Variants in SNTG2 observed in about 807,000 individuals in gnomAD.
SNTG2 encodes the protein syntrophin gamma 2, also known as gamma-2-syntrophin.
Under a neutral mutation model 70.9 loss-of-function variants are expected in SNTG2, and 74 were observed. That is an observed-to-expected ratio of 1.04 (90% CI 0.86 to 1.27). SNTG2 has a LOEUF of 1.27. Among genes scored for constraint, SNTG2 ranks in the 50% most tolerant of loss-of-function variants. The pLI is 0.00. For missense variants in SNTG2, 717 were observed against 690.7 expected, an observed-to-expected ratio of 1.04 and a Z score of -0.43; for synonymous variants, 278 against 273.8, an observed-to-expected ratio of 1.02 and a Z score of -0.15.
chr2:1,190,772 A>G (rs1359778488), intron 8 of SNTG2, among the ~76,000 whole-genome samples: 1 of 152,052 alleles, frequency 6.6e-6, no homozygotes, highest in Admixed American at 6.6e-5. Context: ...AAAAGCAAAT[A>G]TCTTTAGAAG....
At chr2:1,168,825 A>C (rs150085901) in intron 7 of SNTG2, among the ~76,000 whole-genome samples, 74 of 152,308 alleles carry the variant, frequency 4.9e-4, no homozygotes, top group African/African-American at 1.8e-3. Context: ...GAGGAAAAAG[A>C]GTAAGGGGTG....
intron 7 of SNTG2, among the ~76,000 whole-genome samples, chr2:1,167,854 C>T (rs1244661970): frequency 4.1e-5 from 5 of 122,540 alleles, no homozygotes; most frequent in African/African-American, 1.4e-4. Flanking sequence ...CTGAAGCCTA[C>T]AGGCCGCCCA....
At chr2:1,078,474 T>A (rs1308156736) in intron 1 of SNTG2, among the ~76,000 whole-genome samples, 1 of 151,572 alleles carries the variant, frequency 6.6e-6, no homozygotes, top group Non-Finnish European at 1.5e-5. Context: ...CAGGCAGGTA[T>A]GGCAGGATTG....
intron 4 of SNTG2, among the ~76,000 whole-genome samples, chr2:1,111,605 G>A (rs567473698): frequency 6.6e-5 from 10 of 152,228 alleles, no homozygotes; most frequent in Non-Finnish European, 1.3e-4. Context: ...CCTGTAAGAT[G>A]AAAAATACTT....
intron 10 of SNTG2, among the ~76,000 whole-genome samples, chr2:1,238,813 C>G (rs529736845): frequency 6.6e-6 from 1 of 152,342 alleles, no homozygotes; most frequent in African/African-American, 2.4e-5. Context: ...GAGGCTGGGT[C>G]CAGCTTGCAG....
chr2:954,384 T>C (rs1381673679), intron 1 of SNTG2, among the ~76,000 whole-genome samples: 1 of 152,190 alleles, frequency 6.6e-6, no homozygotes, highest in Non-Finnish European at 1.5e-5. Context: ...TCTAGAGGTA[T>C]TTTTGTTGAG....
intron 1 of SNTG2, among the ~76,000 whole-genome samples, chr2:954,310 T>A (rs1660073978): frequency 6.6e-6 from 1 of 152,178 alleles, no homozygotes; most frequent in African/African-American, 2.4e-5. Context: ...GAATGTGTGC[T>A]TGGGTTCCGA....
intron 15 of SNTG2, among the ~76,000 whole-genome samples, chr2:1,315,471 G>A (rs558447133): frequency 1.1e-4 from 16 of 151,366 alleles, no homozygotes; most frequent in African/African-American, 3.9e-4. Flanking sequence ...TTTGACGTAT[G>A]GCTTGCCAAA....
intron 1 of SNTG2, among the ~76,000 whole-genome samples, chr2:1,003,037 G>A (rs1296466444): frequency 6.6e-6 from 1 of 152,104 alleles, no homozygotes; most frequent in Non-Finnish European, 1.5e-5. Context: ...CCACTTCCAA[G>A]TGAGAGCTGA....
At chr2:1,363,983 T>TTA (rs34759100) in intron 16 of SNTG2, among the ~76,000 whole-genome samples, 2 of 151,686 alleles carry the variant, frequency 1.3e-5, no homozygotes, top group Admixed American at 1.3e-4. Context: ...ATTTTCTTTT[T>TTA]TTTTGAGACA....
chr2:1,302,540 T>TAA (rs34803391), intron 14 of SNTG2, among the ~76,000 whole-genome samples: 1,924 of 68,140 alleles, frequency 0.028, 54 homozygotes, highest in African/African-American at 0.079. Flanking sequence ...ATTGGAATGC[T>TAA]AAAAAAAAAA....
chr2:995,142 T>A (rs747199224), intron 1 of SNTG2, among the ~76,000 whole-genome samples: 34 of 152,174 alleles, frequency 2.2e-4, no homozygotes, highest in Non-Finnish European at 4.0e-4. Flanking sequence ...GTCCCATTCT[T>A]GATTTTAGCA....
intron 1 of SNTG2, among the ~76,000 whole-genome samples, chr2:990,965 G>T (rs1285345181): frequency 1.3e-5 from 2 of 151,948 alleles, no homozygotes; most frequent in Non-Finnish European, 2.9e-5. Context: ...GGGAAATCTG[G>T]ATGCTTTTCT....
At chr2:972,138 T>G (rs1225531020) in intron 1 of SNTG2, among the ~76,000 whole-genome samples, 1 of 152,214 alleles carries the variant, frequency 6.6e-6, no homozygotes, top group African/African-American at 2.4e-5. Context: ...TAGAGCTCTG[T>G]AGATATCTAT....
chr2:1,085,934 T>G (rs1348414500), intron 2 of SNTG2, among the ~76,000 whole-genome samples: 3 of 152,250 alleles, frequency 2.0e-5, no homozygotes, highest in African/African-American at 7.2e-5. Context: ...ATTACACTTG[T>G]TATGTTAGGT....
At chr2:1,207,344 A>G (rs1673698269) in intron 8 of SNTG2, among the ~76,000 whole-genome samples, 1 of 152,160 alleles carries the variant, frequency 6.6e-6, no homozygotes, top group Admixed American at 6.5e-5. Context: ...CTATTGAGCT[A>G]TTGGCCATGG....
intron 1 of SNTG2, among the ~76,000 whole-genome samples, chr2:1,053,707 ATGTGG>A (rs1333685666): frequency 1.1e-4 from 16 of 152,044 alleles, no homozygotes; most frequent in African/African-American, 3.9e-4. Flanking sequence ...TTAGGCCTCC[ATGTGG>A]TGACTCTGGT....
chr2:1,279,826 G>A (rs987259726), intron 14 of SNTG2, among the ~76,000 whole-genome samples: 3 of 152,210 alleles, frequency 2.0e-5, no homozygotes, highest in Non-Finnish European at 4.4e-5. Context: ...TCTTTTCTGA[G>A]CACCATAGCT....
chr2:1,301,287 C>T (rs2148236467), intron 14 of SNTG2, among the ~76,000 whole-genome samples: 1 of 152,184 alleles, frequency 6.6e-6, no homozygotes, highest in Middle Eastern at 3.4e-3. Flanking sequence ...CACTGCTTAC[C>T]CCGCGCCCTG....
Sources: allele counts gnomAD v4.1 joint callset (sites outside exome capture counted in the v4.1 genomes callset), GRCh38; gene constraint gnomAD v4.1.1; transcripts MANE v1.5; gene names NCBI Gene and HGNC (gene_info 2026-07-23, HGNC 2026-07-21).